DSC2: variants seen among roughly 807,000 people sequenced by gnomAD.
DSC2 encodes desmocollin 2.
DSC2 carries 51 observed loss-of-function variants against 87.6 expected under a neutral mutation model. That is an observed-to-expected ratio of 0.58 (90% CI 0.46 to 0.74). The LOEUF is 0.74. DSC2 is among the 30% of genes least tolerant of loss of function. The pLI is 0.00. For missense variants in DSC2, 1,066 were observed against 1,089.5 expected, an observed-to-expected ratio of 0.98 and a Z score of 0.30; for synonymous variants, 383 against 393.2, an observed-to-expected ratio of 0.97 and a Z score of 0.31.
intron 8 of DSC2, among the ~76,000 whole-genome samples, 169 bp from the exon 9 acceptor site, chr18:31,082,592 T>A (rs145110872): frequency 6.6e-6 from 1 of 152,192 alleles, no homozygotes; most frequent in Non-Finnish European, 1.5e-5. Context: ...TTTGAAATCA[T>A]GAGGGGTGGA....
rs772866806 is a variant in DSC2, at chr18:31,082,221, T to C, written c.1263+17A>G. ...ATGATATTATAAACTACAAATAATG[T>C]TCTAATTTATTCTTACCTTAACTAC... On this transcript the variant is annotated intron_variant, in intron 9 of 15. Coordinates refer to ENST00000280904, the MANE Select transcript of DSC2 (RefSeq NM_024422.6). The C allele has an allele frequency of 6.2e-7, 1 of 1,604,606 alleles. No homozygotes were observed. The highest frequency in any genetic ancestry group is 1.1e-5 in the South Asian group (1 of 90,464).
At chr18:31,070,970 T>C in intron 13 of DSC2, 120 bp from the exon 14 acceptor site, 1 of 1,251,742 alleles carries the variant, frequency 8.0e-7, no homozygotes, top group Non-Finnish European at 1.1e-6. Context: ...GAAGACAGCT[T>C]TCCTGGATTG....
intron 3 of DSC2, 135 bp downstream of exon 3, chr18:31,091,966 T>C: frequency 1.2e-6 from 1 of 826,128 alleles, no homozygotes; most frequent in South Asian, 1.8e-5. Context: ...CTAAACACTG[T>C]GAAGTTGCCT....
In DSC2 at chr18:31,080,221, CTGA is replaced by C; in HGVS notation, c.1392_1394del (p.Asp464_Gln465delinsGlu). 1 of 1,614,078 alleles carries C rather than the reference CTGA, an allele frequency of 6.2e-7. No homozygotes were observed. Among genetic ancestry groups the C allele is most frequent in the Non-Finnish European group, 8.5e-7 (1 of 1,180,010 alleles). ...GAGGGTTACACTCAGGGCCCTCATC[CTGA>C]TCTTCTACATTAACAGTAACTGTTG... is the stretch of plus-strand genomic sequence containing the variant. On this transcript the variant is annotated inframe_deletion, in exon 10 of 16. Coordinates refer to ENST00000280904, the MANE Select transcript of DSC2 (RefSeq NM_024422.6).
chr18:31,091,584 A>C (rs533797444), intron 3 of DSC2: 1 of 458,958 alleles, frequency 2.2e-6, no homozygotes, highest in African/African-American at 2.0e-5. Flanking sequence ...CAGAATGAGG[A>C]GAGAAACACG....
intron 7 of DSC2, among the ~76,000 whole-genome samples, chr18:31,086,276 C>G (rs1987390980): frequency 6.6e-6 from 1 of 152,072 alleles, no homozygotes; most frequent in African/African-American, 2.4e-5. Flanking sequence ...GAAAAGATAA[C>G]AAATTTCTGC....
chr18:31,101,264 A>C (rs1471995125), intron 1 of DSC2: 1 of 984,888 alleles, frequency 1.0e-6, no homozygotes, highest in Admixed American at 6.2e-5. Flanking sequence ...AAGGGTCAAG[A>C]TCCCCTCCCC....
intron 8 of DSC2, 106 bp from the exon 9 acceptor site, chr18:31,082,529 C>CTATGTTACTATGTTTCAA: frequency 9.4e-7 from 1 of 1,062,724 alleles, no homozygotes; most frequent in South Asian, 1.3e-5. Context: ...ACTATGTTTA[C>CTATGTTACTATGTTTCAA]ATGATTTGAA....
rs181612151 is a variant in DSC2 at position 31,077,996 on chromosome 18, C to T, written c.1663+1851G>A. On this transcript the variant is annotated intron_variant, in intron 11 of 15. Coordinates refer to ENST00000280904, the MANE Select transcript of DSC2 (RefSeq NM_024422.6). Reference sequence around the variant, plus strand: ...TAGGAGAGGGGAAGGCAGTTAAGACCAGAAAGCATGCAGGAATGTGTGGGC... The same window carrying T: ...TAGGAGAGGGGAAGGCAGTTAAGACTAGAAAGCATGCAGGAATGTGTGGGC... Among the ~76,000 whole-genome samples the T allele has an allele frequency of 8.5e-5, 13 of 152,094 alleles. No individual in the cohort carries two copies. In the East Asian group the frequency reaches 2.5e-3, roughly 29 times the overall value.
chr18:31,096,037 C>T (rs1214566800), intron 1 of DSC2, among the ~76,000 whole-genome samples: 4 of 152,146 alleles, frequency 2.6e-5, no homozygotes, highest in South Asian at 2.1e-4. Context: ...AGATTTTGAA[C>T]GGCATTAGCA....
At chr18:31,087,909 GAACT>G in intron 5 of DSC2, 96 bp from the exon 6 acceptor site, 1 of 1,245,700 alleles carries the variant, frequency 8.0e-7, no homozygotes, top group African/African-American at 1.5e-5. Context: ...AGACTGTTCA[GAACT>G]ACAGTATGAG....
chr18:31,059,007 T>C lies in DSC2; in HGVS notation c.*9008A>G, dbSNP rs939766357. ...TGTTCTAGCAATTTTTTAAAGCAGA[T>C]GAGGAAACTGAAGACTAGGGAGGTT... is the stretch of plus-strand genomic sequence containing the variant. On this transcript the variant is annotated 3_prime_UTR_variant, in exon 16 of 16. Coordinates refer to ENST00000280904, the MANE Select transcript of DSC2 (RefSeq NM_024422.6). 14 of 152,106 alleles carry C rather than the reference T, an allele frequency of 9.2e-5. No homozygotes were observed. The highest frequency in any genetic ancestry group is 2.7e-4 in the African/African-American group (11 of 41,424). The allele number at this position is 152,106 out of a possible 1,614,324, so 9.4% of individuals were successfully genotyped here. A position where few individuals can be genotyped will look rare whatever the true frequency, so the allele number is the denominator to read the frequency against.
intron 11 of DSC2, among the ~76,000 whole-genome samples, chr18:31,076,921 G>A: frequency 6.6e-6 from 1 of 152,164 alleles, no homozygotes; most frequent in South Asian, 2.1e-4. Flanking sequence ...AAGATAATGG[G>A]TTAATAGCTG....
rs773389331 is a variant in DSC2, at chr18:31,069,188, AG to A, written c.2251-38del. 1.8e-5 allele frequency: 29 copies of A among 1,613,284 alleles called. No homozygotes were observed. The Admixed American group carries it at 4.3e-4, about 24-fold the overall frequency. On this transcript the variant is annotated intron_variant, in intron 14 of 15. Coordinates refer to ENST00000280904, the MANE Select transcript of DSC2 (RefSeq NM_024422.6). ...ACAATTTGCATTAGGGATAATACAG[AG>A]AGGAACACAAAATTATGAAAAAGAA...
intron 2 of DSC2, among the ~76,000 whole-genome samples, chr18:31,093,333 C>A (rs1028677455): frequency 6.6e-6 from 1 of 152,196 alleles, no homozygotes; most frequent in Non-Finnish European, 1.5e-5. Flanking sequence ...TTGTTCCCCA[C>A]TCTGTGCCTA....
At position 31,059,695 on chromosome 18, in the gene DSC2, C is replaced by T. The variant is rs1343888344; in HGVS notation, c.*8320G>A. ...TATTTCATTTACCGAGGATTTATCA[C>T]TCAATATCTTAGTGTATTACAGATA... On this transcript the variant is annotated 3_prime_UTR_variant, in exon 16 of 16. Transcript: ENST00000280904. 12 of 152,172 alleles carry T rather than the reference C, an allele frequency of 7.9e-5. No individual in the cohort carries two copies. The highest frequency in any genetic ancestry group is 7.2e-4 in the Admixed American group (11 of 15,278). 9.4% of individuals were successfully genotyped at this position (152,172 alleles called of 1,614,324 possible).
intron 14 of DSC2, among the ~76,000 whole-genome samples, chr18:31,070,112 T>TG (rs1986774169): frequency 6.6e-6 from 1 of 152,200 alleles, no homozygotes; most frequent in Non-Finnish European, 1.5e-5. Flanking sequence ...ATTACCTTCC[T>TG]GGATACTGTC....
chr18:31,090,923 C>T (rs558299402), intron 4 of DSC2, 105 bp downstream of exon 4: 14 of 1,482,780 alleles, frequency 9.4e-6, no homozygotes, highest in East Asian at 9.1e-5. Context: ...TACTCATTCA[C>T]TCACATATTT....
intron 11 of DSC2, among the ~76,000 whole-genome samples, chr18:31,079,633 A>AACT (rs1259122349): frequency 5.4e-4 from 82 of 152,350 alleles, no homozygotes; most frequent in African/African-American, 1.8e-3. Flanking sequence ...AGTGTTTCTA[A>AACT]GAGTAAATTA....
Sources: gnomAD v4.1 joint callset for allele counts (sites outside exome capture counted in the v4.1 genomes callset) on GRCh38, gnomAD v4.1.1 for gene constraint, MANE v1.5 for transcripts, NCBI Gene and HGNC (gene_info 2026-07-23, HGNC 2026-07-21) for gene names.